Variants in SLC25A26 observed in about 807,000 individuals in gnomAD.
SLC25A26 encodes the protein solute carrier family 25 member 26.
In SLC25A26, 36 loss-of-function variants were observed where a neutral mutation model predicts 37.8. That is an observed-to-expected ratio of 0.95 (90% CI 0.73 to 1.26). SLC25A26 has a LOEUF of 1.26. SLC25A26 is among the 50% of genes most tolerant of loss of function. The pLI is 0.00. For missense variants in SLC25A26, 390 were observed against 331.1 expected, an observed-to-expected ratio of 1.18 and a Z score of -1.38; for synonymous variants, 129 against 122.5, an observed-to-expected ratio of 1.05 and a Z score of -0.35.
intron 5 of SLC25A26, among the ~76,000 whole-genome samples, chr3:66,332,599 A>G (rs1044537208): frequency 3.9e-5 from 6 of 151,984 alleles, no homozygotes; most frequent in Non-Finnish European, 7.4e-5. Flanking sequence ...TTTTGTTGAG[A>G]TGAGGTCTCA....
chr3:66,138,210 A>T (rs1461063016), intron 1 of SLC25A26, among the ~76,000 whole-genome samples: 4 of 152,132 alleles, frequency 2.6e-5, no homozygotes, highest in Non-Finnish European at 4.4e-5. Context: ...GGGCATTTAT[A>T]ATGTTTTATT....
Position 66,214,785 on chromosome 3 carries a change from AT to A in SLC25A26, c.-353-5947del, listed in dbSNP as rs1247151537. 5.0e-4 allele frequency among the ~76,000 whole-genome samples: 75 copies of A among 150,756 alleles called. No individual in the cohort carries two copies. The South Asian group carries it at 0.011, about 23-fold the overall frequency. On this transcript the variant is annotated intron_variant, in intron 1 of 10. Coordinates refer to the SLC25A26 transcript ENST00000676754. Reference sequence around the variant, plus strand: ...TTTAATAACAAAGCTATTAACTGAAATTTTTTTTTTGAGACATAGAAGATGT... The same window carrying A: ...TTTAATAACAAAGCTATTAACTGAAATTTTTTTTTGAGACATAGAAGATGT...
chr3:66,326,323 A>G (rs2075836770), intron 5 of SLC25A26, among the ~76,000 whole-genome samples: 2 of 152,216 alleles, frequency 1.3e-5, no homozygotes, highest in Non-Finnish European at 2.9e-5. Flanking sequence ...AAAAAATCAA[A>G]GGTGGAAAAG....
chr3:66,174,826 C>T (rs1301350468), intron 1 of SLC25A26, among the ~76,000 whole-genome samples: 7 of 149,770 alleles, frequency 4.7e-5, no homozygotes, highest in African/African-American at 1.5e-4. Context: ...AAAAAAAATG[C>T]GCTATGAAAA....
Position 66,377,871 on chromosome 3 carries a change from G to T in SLC25A26, c.*64G>T. On this transcript the variant is annotated 3_prime_UTR_variant, in exon 10 of 10. Coordinates refer to ENST00000354883, the MANE Select transcript of SLC25A26 (RefSeq NM_001379210.1). ...GGGCCTGCAGTGCAAACCCTCTTCCGCTGAGCAGCTGTCTGAACTATAGGC... is the reference window on the plus strand; with the variant it reads ...GGGCCTGCAGTGCAAACCCTCTTCCTCTGAGCAGCTGTCTGAACTATAGGC... 3.3e-6 allele frequency: 4 copies of T among 1,217,050 alleles called. No individual in the cohort carries two copies. Among genetic ancestry groups the T allele is most frequent in the Non-Finnish European group, 4.9e-6 (4 of 823,746 alleles). 75.4% of individuals were successfully genotyped at this position (1,217,050 alleles called of 1,614,324 possible).
chr3:66,175,192 A>G lies in SLC25A26; in HGVS notation c.-354+41208A>G, dbSNP rs555086059. Among the ~76,000 whole-genome samples, 12 of 149,040 alleles carry G rather than the reference A, an allele frequency of 8.1e-5. No individual in the cohort carries two copies. In the East Asian group the frequency reaches 2.4e-3, roughly 29 times the overall value. On this transcript the variant is annotated intron_variant, in intron 1 of 10. Transcript: ENST00000676754. ...TGTATATATACACATACATATATAT[A>G]CACACACACACAGATTTACTATATA...
chr3:66,273,511 C>T (rs1690159479), intron 5 of SLC25A26, among the ~76,000 whole-genome samples: 1 of 152,108 alleles, frequency 6.6e-6, no homozygotes, highest in South Asian at 2.1e-4. Context: ...ACCCCATTGT[C>T]TCAGCCCAAA....
At position 66,156,350 on chromosome 3, in the gene SLC25A26, C is replaced by T. The variant is rs142728342; in HGVS notation, c.-354+22366C>T. Among the ~76,000 whole-genome samples the T allele has an allele frequency of 8.6e-3, 1,302 of 152,236 alleles. 13 individuals are homozygous for T. Among genetic ancestry groups the T allele is most frequent in the African/African-American group, 0.025 (1,059 of 41,538 alleles). ...CCCTTATTCTACAATGCAAACAAGTCAACATTCCAACAAACAAGTATATGA... is the reference window on the plus strand; with the variant it reads ...CCCTTATTCTACAATGCAAACAAGTTAACATTCCAACAAACAAGTATATGA... On this transcript the variant is annotated intron_variant, in intron 1 of 10. Coordinates refer to the SLC25A26 transcript ENST00000676754.
chr3:66,230,444 T>A (rs1205476661), intron 1 of SLC25A26, among the ~76,000 whole-genome samples: 1 of 151,936 alleles, frequency 6.6e-6, no homozygotes, highest in Non-Finnish European at 1.5e-5. Context: ...TGTGTGCATG[T>A]ATGTATGTAG....
chr3:66,254,264 A>G (rs1413391990), intron 3 of SLC25A26, among the ~76,000 whole-genome samples: 1 of 152,234 alleles, frequency 6.6e-6, no homozygotes, highest in Non-Finnish European at 1.5e-5. Context: ...GAGGTTTTTG[A>G]TTTTTTAAAT....
intron 3 of SLC25A26, among the ~76,000 whole-genome samples, chr3:66,252,269 G>T (rs1237126927): frequency 1.3e-5 from 2 of 152,206 alleles, no homozygotes; most frequent in Non-Finnish European, 2.9e-5. Context: ...TTGTGATTGT[G>T]TGCTTTTCAA....
chr3:66,149,843 G>C (rs1311251622), intron 1 of SLC25A26, among the ~76,000 whole-genome samples: 1 of 152,174 alleles, frequency 6.6e-6, no homozygotes, highest in African/African-American at 2.4e-5. Context: ...AAGTCACTTA[G>C]CTCTTCACCA....
At chr3:66,373,597 ATC>A (rs1700470956) in intron 9 of SLC25A26, among the ~76,000 whole-genome samples, 1 of 151,844 alleles carries the variant, frequency 6.6e-6, no homozygotes, top group African/African-American at 2.4e-5. Context: ...AGGGAGGCTC[ATC>A]TGTCTTTCAG....
intron 5 of SLC25A26, among the ~76,000 whole-genome samples, chr3:66,316,204 T>C (rs772887249): frequency 3.9e-5 from 6 of 152,242 alleles, no homozygotes; most frequent in Non-Finnish European, 7.3e-5. Context: ...AGTTGCTTCA[T>C]CATGTCACTG....
At chr3:66,348,891 C>T (rs1484501989) in intron 6 of SLC25A26, among the ~76,000 whole-genome samples, 1 of 152,184 alleles carries the variant, frequency 6.6e-6, no homozygotes, top group Non-Finnish European at 1.5e-5. Context: ...GAGAAGGTCA[C>T]GTTCCATTAG....
At chr3:66,252,666 C>T (rs1365293251) in intron 3 of SLC25A26, among the ~76,000 whole-genome samples, 1 of 152,180 alleles carries the variant, frequency 6.6e-6, no homozygotes, top group Non-Finnish European at 1.5e-5. Context: ...TTGGGTCTAG[C>T]CCCATTTCAC....
At chr3:66,136,623 T>C (rs1051236649) in intron 1 of SLC25A26, among the ~76,000 whole-genome samples, 10 of 152,256 alleles carry the variant, frequency 6.6e-5, no homozygotes, top group African/African-American at 2.2e-4. Flanking sequence ...ACAATCATGG[T>C]AGTGAAATTT....
rs184807019 is a variant in SLC25A26, at chr3:66,223,181, T to C, written c.33+2054T>C. The stretch of plus-strand genomic sequence containing the variant: ...AAGATGCGACAGAGTAGGCAAATAT[T>C]GGTGAACCTCTTAGATGGAGTGACC... On this transcript the variant is annotated intron_variant, in intron 1 of 9. Coordinates refer to ENST00000354883, the MANE Select transcript of SLC25A26 (RefSeq NM_001379210.1). Among the ~76,000 whole-genome samples the C allele has an allele frequency of 1.7e-3, 258 of 152,348 alleles. 10 individuals carry two copies. The highest frequency in any genetic ancestry group is 0.015 in the Admixed American group (232 of 15,302).
chr3:66,168,570 T>G (rs2070456387), intron 1 of SLC25A26, among the ~76,000 whole-genome samples: 1 of 152,212 alleles, frequency 6.6e-6, no homozygotes, highest in Admixed American at 6.5e-5. Context: ...TTCCCCAAAC[T>G]TGAAATATGC....
Sources: gnomAD v4.1 joint callset for allele counts (sites outside exome capture counted in the v4.1 genomes callset) on GRCh38, gnomAD v4.1.1 for gene constraint, MANE v1.5 for transcripts, NCBI Gene and HGNC (gene_info 2026-07-23, HGNC 2026-07-21) for gene names.